The following MROH1 variants were observed in gnomAD, a reference collection of about 807,000 sequenced individuals.
MROH1 encodes the protein maestro heat-like repeat-containing protein family member 1.
MROH1 carries 117 observed loss-of-function variants against 116.5 expected under a neutral mutation model. The observed-to-expected ratio is 1.00, with a 90% CI of 0.86 to 1.17. The LOEUF (loss-of-function observed/expected upper bound fraction) is 1.17, where lower values mean the gene tolerates loss of function less well. MROH1 is among the 50% of genes most tolerant of loss of function. The pLI is 0.00. For missense variants in MROH1, 1,873 were observed against 1,338.5 expected, an observed-to-expected ratio of 1.40 and a Z score of -6.23; for synonymous variants, 921 against 583.9, an observed-to-expected ratio of 1.58 and a Z score of -8.32.
At chr8:144,174,999 TG>T in intron 4 of MROH1, 1 of 985,412 alleles carries the variant, frequency 1.0e-6, no homozygotes, top group Non-Finnish European at 1.2e-6. Flanking sequence ...TGTTTTCCTC[TG>T]GAAAAAAGCA....
In MROH1 at chr8:144,223,266, A is replaced by G. The variant is rs376395525; in HGVS notation, c.1338+36A>G. 1.5e-4 allele frequency: 232 copies of G among 1,565,834 alleles called. 1 individual carries two copies. Among genetic ancestry groups the G allele is most frequent in the Middle Eastern group, 1.9e-4 (1 of 5,346 alleles). ...GCCACCTTGCCTGCCTCCTAGGCCCACGCTGCCCCTGGCCTGTGTTAGGCA... is the reference window on the plus strand; with the variant it reads ...GCCACCTTGCCTGCCTCCTAGGCCCGCGCTGCCCCTGGCCTGTGTTAGGCA... On this transcript the variant is annotated intron_variant, in intron 14 of 43. Transcript: ENST00000326134.
rs1054497114 is a variant in MROH1 at position 144,242,718 on chromosome 8, G to T, written c.2352+90G>T. ...TGAGCTTCATAGGCAGAGGCCGGAG[G>T]GGGAGCTTGGAGCTTGCTGGGGCTT... On this transcript the variant is annotated intron_variant, in intron 24 of 43. Transcript: ENST00000326134. The T allele has an allele frequency of 4.1e-6, 3 of 724,096 alleles. No individual in the cohort carries two copies. The East Asian group carries it at 7.8e-5, about 19-fold the overall frequency. The allele number at this position is 724,096 out of a possible 1,614,324, so 44.9% of individuals were successfully genotyped here.
intron 12 of MROH1, 115 bp from the exon 13 acceptor site, chr8:144,220,485 C>A: frequency 1.3e-6 from 1 of 785,096 alleles, no homozygotes; most frequent in Non-Finnish European, 2.0e-6. Flanking sequence ...TTTCCTTATG[C>A]TCCCTCTTCC....
At position 144,190,979 on chromosome 8, in the gene MROH1, C is replaced by T. The variant is rs187087940; in HGVS notation, c.714+44C>T. ...TCAGTCCACGCCTGATGCCAGGGCT[C>T]TCTCCTCCCCACATTCCCTGCCCGT... On this transcript the variant is annotated intron_variant, in intron 8 of 43. Coordinates refer to ENST00000326134, the MANE Select transcript of MROH1 (RefSeq NM_032450.3). 2.5e-6 allele frequency: 4 copies of T among 1,569,104 alleles called. No homozygotes were observed. The South Asian group carries it at 4.6e-5, about 18-fold the overall frequency.
At chr8:144,186,341 C>T (rs1450730121) in intron 7 of MROH1, among the ~76,000 whole-genome samples, 9 of 151,986 alleles carry the variant, frequency 5.9e-5, no homozygotes, top group African/African-American at 1.4e-4. Flanking sequence ...AGGCTGGTCT[C>T]GAACTCCTGA....
At chr8:144,155,242 C>T (rs1460026770) in intron 1 of MROH1, among the ~76,000 whole-genome samples, 3 of 152,178 alleles carry the variant, frequency 2.0e-5, no homozygotes, top group African/African-American at 7.2e-5. Context: ...TGAGCCACCG[C>T]ACCCGGCCTC....
intron 32 of MROH1, 22 bp downstream of exon 32, chr8:144,249,051 G>A (rs1842388492): frequency 1.4e-6 from 1 of 697,836 alleles, no homozygotes. Flanking sequence ...CGGGGCGCGG[G>A]GGGTGCTCCA....
chr8:144,158,807 T>C (rs1165821895), intron 1 of MROH1, among the ~76,000 whole-genome samples: 7 of 152,008 alleles, frequency 4.6e-5, no homozygotes, highest in Non-Finnish European at 8.8e-5. Context: ...CACAGTGGTG[T>C]GATCTCTGCT....
chr8:144,211,595 G>A (rs1834103505), intron 12 of MROH1, among the ~76,000 whole-genome samples: 1 of 151,944 alleles, frequency 6.6e-6, no homozygotes, highest in Admixed American at 6.6e-5. Context: ...GCATGGTGAT[G>A]CGGGCCTGTA....
chr8:144,155,923 G>A (rs1264191366), intron 1 of MROH1, among the ~76,000 whole-genome samples: 1 of 150,198 alleles, frequency 6.7e-6, no homozygotes, highest in African/African-American at 2.4e-5. Context: ...CTGAGCCACT[G>A]CACCCGGCCA....
At chr8:144,217,600 GT>G (rs1300725994) in intron 12 of MROH1, among the ~76,000 whole-genome samples, 1 of 152,074 alleles carries the variant, frequency 6.6e-6, no homozygotes, top group Admixed American at 6.6e-5. Flanking sequence ...GGTTGTTGTT[GT>G]TTTTTCTTTT....
At chr8:144,227,964 CAG>C (rs1838123461) in intron 14 of MROH1, among the ~76,000 whole-genome samples, 2 of 150,210 alleles carry the variant, frequency 1.3e-5, no homozygotes, top group East Asian at 2.0e-4. Context: ...AAAAAGAAAA[CAG>C]AATGTTGTTT....
rs1196048224 is a variant in MROH1 at position 144,261,655 on chromosome 8, C to T, written c.4841C>T (p.Ala1614Val). The T allele has an allele frequency of 4.2e-6, 3 of 717,672 alleles. No individual in the cohort carries two copies. The highest frequency in any genetic ancestry group is 3.5e-4 in the Middle Eastern group (1 of 2,860). 44.5% of individuals were successfully genotyped at this position (717,672 alleles called of 1,614,324 possible). A position where few individuals can be genotyped will look rare whatever the true frequency, so the allele number is the denominator to read the frequency against. The change falls in exon 44 of 44, where the codon GCG (alanine) becomes GTG (valine). Residue 1614 changes from alanine to valine, a missense_variant and splice_region_variant. Transcript: ENST00000326134. ...PQVDLDQLIA[A>V]LQILLKDPAP... ...GGCAGCCCCCCTCCTCTACCCCCAG[C>T]GCTCCAGATCCTGCTGAAGGACCCG...
At chr8:144,197,128 T>C (rs1469094225) in intron 10 of MROH1, among the ~76,000 whole-genome samples, 1 of 152,126 alleles carries the variant, frequency 6.6e-6, no homozygotes, top group Non-Finnish European at 1.5e-5. Context: ...ACATCTGTTA[T>C]CTCACAGTGG....
At chr8:144,160,857 T>G (rs1187714350) in intron 1 of MROH1, 113 bp from the exon 2 acceptor site, 1 of 152,596 alleles carries the variant, frequency 6.6e-6, no homozygotes, top group Non-Finnish European at 1.5e-5. Context: ...GTCTACCAAG[T>G]CTCACCAGCC....
chr8:144,166,371 G>A (rs1400914913), intron 3 of MROH1, among the ~76,000 whole-genome samples: 5 of 152,208 alleles, frequency 3.3e-5, no homozygotes, highest in African/African-American at 7.2e-5. Context: ...CAGCCTGCTC[G>A]GAGCGGGAGG....
At chr8:144,239,227 C>G (rs1416897031) in intron 16 of MROH1, 48 bp downstream of exon 16, 1 of 759,690 alleles carries the variant, frequency 1.3e-6, no homozygotes, top group Non-Finnish European at 2.4e-6. Flanking sequence ...CCCCACTTCC[C>G]CACTCCTGCC....
intron 1 of MROH1, among the ~76,000 whole-genome samples, chr8:144,159,765 A>ATTTTTT (rs1161961224): frequency 2.4e-5 from 3 of 123,756 alleles, no homozygotes; most frequent in Non-Finnish European, 3.2e-5. Context: ...ACGCCTGGTA[A>ATTTTTT]TTTTTTTTTT....
At chr8:144,217,658 C>T (rs1835562096) in intron 12 of MROH1, among the ~76,000 whole-genome samples, 1 of 152,218 alleles carries the variant, frequency 6.6e-6, no homozygotes, top group Non-Finnish European at 1.5e-5. Context: ...GGCTGGAGTG[C>T]AGTGGCACGA....
Sources: gnomAD v4.1 joint callset for allele counts (sites outside exome capture counted in the v4.1 genomes callset) on GRCh38, gnomAD v4.1.1 for gene constraint, MANE v1.5 for transcripts, NCBI Gene and HGNC (gene_info 2026-07-23, HGNC 2026-07-21) for gene names.